The following TOX2 variants were observed in gnomAD, a reference collection of about 807,000 sequenced individuals.
The protein encoded by TOX2 is granulosa cell HMG box 1.
TOX2 carries 15 observed loss-of-function variants against 47.4 expected under a neutral mutation model. The observed-to-expected ratio is 0.32, with a 90% CI of 0.21 to 0.49. The LOEUF (loss-of-function observed/expected upper bound fraction) is 0.49. Ranked by LOEUF, TOX2 falls within the 20% of genes least tolerant of loss-of-function variation. The pLI is 0.99. For missense variants in TOX2, 622 were observed against 673.1 expected, an observed-to-expected ratio of 0.92 and a Z score of 0.84; for synonymous variants, 290 against 296.6, an observed-to-expected ratio of 0.98 and a Z score of 0.23.
chr20:43,967,327 G>T (rs1166897346), intron 1 of TOX2, among the ~76,000 whole-genome samples: 1 of 152,150 alleles, frequency 6.6e-6, no homozygotes, highest in Non-Finnish European at 1.5e-5. Flanking sequence ...GGCTAAAGAT[G>T]AGGATTTGAG....
At chr20:43,941,323 C>CTTT (rs3037468) in intron 1 of TOX2, among the ~76,000 whole-genome samples, 300 of 136,012 alleles carry the variant, frequency 2.2e-3, no homozygotes, top group East Asian at 0.01. Context: ...GTTTTAAAGC[C>CTTT]TTTTTTTTTT....
At chr20:44,009,178 C>T (rs573656054) in intron 3 of TOX2, among the ~76,000 whole-genome samples, 4 of 152,306 alleles carry the variant, frequency 2.6e-5, no homozygotes, top group South Asian at 2.1e-4. Context: ...CCTTAGGACA[C>T]GGCTTTATAG....
intron 1 of TOX2, among the ~76,000 whole-genome samples, chr20:43,970,763 G>T (rs1306221332): frequency 1.3e-5 from 2 of 152,214 alleles, no homozygotes; most frequent in Admixed American, 6.5e-5. Context: ...CCAGGCTCTG[G>T]GAGATTTGGA....
At chr20:43,959,740 T>C (rs1247769240) in intron 1 of TOX2, among the ~76,000 whole-genome samples, 1 of 152,252 alleles carries the variant, frequency 6.6e-6, no homozygotes, top group African/African-American at 2.4e-5. Flanking sequence ...TTTTAGTTAA[T>C]TGCCTTTGGT....
chr20:43,960,350 A>T (rs899638751), intron 1 of TOX2, among the ~76,000 whole-genome samples: 10 of 152,138 alleles, frequency 6.6e-5, no homozygotes, highest in African/African-American at 2.4e-4. Context: ...TGGTGGAAAG[A>T]GGAAGCCTTG....
rs187613935 is a variant in TOX2, at chr20:43,916,401, C to G, written c.99+1411C>G. Reference sequence around the variant, plus strand: ...GGGGAGCGGCTTCTGGCAAAGCCTCCCTGCAGTTCGCCAGGGGCAGCAAGC... The same window carrying G: ...GGGGAGCGGCTTCTGGCAAAGCCTCGCTGCAGTTCGCCAGGGGCAGCAAGC... On this transcript the variant is annotated intron_variant, in intron 1 of 8. Coordinates refer to ENST00000341197, the MANE Select transcript of TOX2 (RefSeq NM_001098797.2). This position sits in a 1 kb window ranked among gnomAD's most constrained non-coding sequence, Gnocchi z 5.0. 6.6e-6 allele frequency among the ~76,000 whole-genome samples: 1 copy of G among 152,236 alleles called. No homozygotes were observed. Among genetic ancestry groups the G allele is most frequent in the African/African-American group, 2.4e-5 (1 of 41,464 alleles).
At chr20:43,964,944 T>C (rs1040314569) in intron 1 of TOX2, among the ~76,000 whole-genome samples, 8 of 152,194 alleles carry the variant, frequency 5.3e-5, no homozygotes, top group Non-Finnish European at 1.0e-4. Context: ...AGGATGCTTC[T>C]CTGGAAAGAC....
chr20:44,059,848 T>A (rs6103588), intron 5 of TOX2, among the ~76,000 whole-genome samples: 2 of 152,128 alleles, frequency 1.3e-5, no homozygotes, highest in Non-Finnish European at 2.9e-5. Context: ...CACAATTTTT[T>A]AAAAACCACA....
chr20:43,946,169 A>T lies in TOX2; in HGVS notation c.100-27198A>T, dbSNP rs139872822. 3,198 of 1,400,500 alleles carry T rather than the reference A, an allele frequency of 2.3e-3. 61 individuals carry two copies. The East Asian group carries it at 0.037, about 16-fold the overall frequency. 86.8% of individuals were successfully genotyped at this position (1,400,500 alleles called of 1,614,324 possible). On this transcript the variant is annotated intron_variant, in intron 1 of 8. Transcript: ENST00000341197. ...GTGCTTGTCACATTCTGGAATGAAG[A>T]TGCTTTAGAGGGGCCAGGAGGCCTG...
intron 2 of TOX2, among the ~76,000 whole-genome samples, chr20:43,984,633 G>A (rs553848286): frequency 6.6e-6 from 1 of 152,308 alleles, no homozygotes; most frequent in African/African-American, 2.4e-5. Flanking sequence ...GAGACATTGG[G>A]GAATGGATGG....
chr20:44,068,877 C>T lies in TOX2; in HGVS notation c.*191C>T, dbSNP rs1016143270. The T allele has an allele frequency of 1.3e-6, 1 of 790,084 alleles. No homozygotes were observed. Among genetic ancestry groups the T allele is most frequent in the Non-Finnish European group, 2.2e-6 (1 of 455,154 alleles). The allele number at this position is 790,084 out of a possible 1,614,324, so 48.9% of individuals were successfully genotyped here. On this transcript the variant is annotated 3_prime_UTR_variant, in exon 9 of 9. Coordinates refer to ENST00000341197, the MANE Select transcript of TOX2 (RefSeq NM_001098797.2). ...CTCTGCAGAGGCAGCCCACTGCCCA[C>T]CACCAGCCCAAAGAACCTGCAGGAA...
At chr20:43,958,256 C>T (rs1413109607) in intron 1 of TOX2, among the ~76,000 whole-genome samples, 1 of 152,206 alleles carries the variant, frequency 6.6e-6, no homozygotes. Flanking sequence ...GTTTCACTCT[C>T]TGGCCAGATT....
rs143798869 is a variant in TOX2 at position 44,065,979 on chromosome 20, C to T, written c.1228C>T (p.Pro410Ser). 21 of 1,613,362 alleles carry T rather than the reference C, an allele frequency of 1.3e-5. 1 individual carries two copies. In the East Asian group the frequency reaches 2.2e-4, roughly 17 times the overall value. The change falls in exon 7 of 9, where the codon CCT becomes TCT. Residue 410 changes from proline (P) to serine (S), a missense_variant. Physicochemically the swap from Pro to Ser is moderately conservative, Grantham distance 74 (BLOSUM62 -1). Around this residue, in one of 3 missense-constraint regions of TOX2, gnomAD observed 294 missense variants for 300.0 expected, o/e 0.98. Transcript: ENST00000341197. ...PTLHQQLSLP[P>S]HAQGALLSPP... Reference sequence around the variant, plus strand: ...ACTGCACCAGCAGCTGTCACTGCCCCCTCACGCCCAGGGCGCCCTCCTCAG... The same window carrying T: ...ACTGCACCAGCAGCTGTCACTGCCCTCTCACGCCCAGGGCGCCCTCCTCAG...
At chr20:43,983,684 G>GT (rs34666198) in intron 2 of TOX2, among the ~76,000 whole-genome samples, 30,213 of 152,082 alleles carry the variant, frequency 0.2, 3,331 homozygotes, top group South Asian at 0.33. Flanking sequence ...TAGATGGTCT[G>GT]TTTTTTCCAG....
intron 1 of TOX2, among the ~76,000 whole-genome samples, chr20:43,958,580 G>T (rs2069704724): frequency 6.6e-6 from 1 of 152,218 alleles, no homozygotes; most frequent in South Asian, 2.1e-4. Context: ...ATGGACCTGA[G>T]CTTCCCTGGG....
At chr20:44,008,938 T>A (rs535486072) in intron 3 of TOX2, among the ~76,000 whole-genome samples, 2 of 152,360 alleles carry the variant, frequency 1.3e-5, no homozygotes, top group East Asian at 3.9e-4. Context: ...CTGACATCTC[T>A]GGCAGAGAGG....
chr20:43,940,229 T>C (rs2069384591), intron 1 of TOX2, among the ~76,000 whole-genome samples: 1 of 152,046 alleles, frequency 6.6e-6, no homozygotes, highest in African/African-American at 2.4e-5. Context: ...CTTTTTTTTT[T>C]TGAAGAGTTG....
intron 4 of TOX2, among the ~76,000 whole-genome samples, chr20:44,053,544 AT>A (rs2071561017): frequency 7.1e-6 from 1 of 140,776 alleles, no homozygotes; most frequent in South Asian, 2.2e-4. Context: ...TATATACTAT[AT>A]ATATACATAT....
chr20:44,010,224 C>A (rs2070756851), intron 3 of TOX2, among the ~76,000 whole-genome samples: 1 of 152,176 alleles, frequency 6.6e-6, no homozygotes, highest in Non-Finnish European at 1.5e-5. Context: ...TATAATAGCT[C>A]TGATAATTAC....
Sources: allele counts gnomAD v4.1 joint callset (sites outside exome capture counted in the v4.1 genomes callset), GRCh38; gene constraint gnomAD v4.1.1; regional missense constraint gnomAD v4.1.1; non-coding constraint Gnocchi (gnomAD v3.1); transcripts MANE v1.5; gene names NCBI Gene and HGNC (gene_info 2026-07-23, HGNC 2026-07-21).